The following MYT1L variants were observed in gnomAD, a reference collection of about 807,000 sequenced individuals.
The protein encoded by MYT1L is myelin transcription factor 1-like protein.
A neutral mutation model predicts 126.7 loss-of-function variants in MYT1L; 12 were observed. The ratio of observed to expected loss-of-function variants is 0.09; its 90% CI spans 0.06 to 0.15. The LOEUF is 0.15. MYT1L is among the 10% of genes least tolerant of loss of function. MYT1L has a pLI of 1.00. For synonymous variants in MYT1L, 541 were observed against 604.2 expected (o/e 0.90, Z 1.53); for missense variants, 979 against 1,585.2 (o/e 0.62, Z 6.49).
At chr2:2,039,219 A>C (rs1410805230) in intron 4 of MYT1L, among the ~76,000 whole-genome samples, 1 of 152,060 alleles carries the variant, frequency 6.6e-6, no homozygotes, top group South Asian at 2.1e-4. Context: ...TGACCCTCAC[A>C]ATCTCACAAT....
chr2:2,314,850 T>C (rs1425246200), intron 1 of MYT1L, among the ~76,000 whole-genome samples: 2 of 151,986 alleles, frequency 1.3e-5, no homozygotes, highest in Non-Finnish European at 1.5e-5. Context: ...TGGAACAAAA[T>C]AGAGATCTCA....
At chr2:1,954,821 T>C (rs1216705007) in intron 8 of MYT1L, among the ~76,000 whole-genome samples, 1 of 151,898 alleles carries the variant, frequency 6.6e-6, no homozygotes, top group African/African-American at 2.4e-5. Context: ...TCCCAGCACT[T>C]TGGGAGGCCG....
chr2:2,189,801 C>G (rs2092460204), intron 2 of MYT1L, among the ~76,000 whole-genome samples: 1 of 150,986 alleles, frequency 6.6e-6, no homozygotes. Flanking sequence ...AGCTCGTTCT[C>G]AGGACCGCAC....
intron 3 of MYT1L, among the ~76,000 whole-genome samples, chr2:2,073,751 G>A (rs569935128): frequency 3.3e-5 from 5 of 152,244 alleles, no homozygotes; most frequent in Admixed American, 1.3e-4. Context: ...TCATGTCCAC[G>A]TTTGACTTCC....
chr2:1,856,049 G>A (rs770486824), intron 18 of MYT1L, among the ~76,000 whole-genome samples: 13 of 152,254 alleles, frequency 8.5e-5, no homozygotes, highest in East Asian at 5.8e-4. Flanking sequence ...TACAGCCAAC[G>A]TGCAGAATTC....
At chr2:2,008,303 G>A (rs1253013653) in intron 4 of MYT1L, among the ~76,000 whole-genome samples, 2 of 152,170 alleles carry the variant, frequency 1.3e-5, no homozygotes, top group Admixed American at 6.5e-5. Flanking sequence ...CATCTGCCAC[G>A]GGCGTGGCCA....
intron 2 of MYT1L, among the ~76,000 whole-genome samples, chr2:2,276,492 G>C (rs1162895807): frequency 1.3e-5 from 2 of 152,172 alleles, no homozygotes; most frequent in Non-Finnish European, 2.9e-5. Flanking sequence ...GGAATCCAAG[G>C]CTGGGGAACG....
At chr2:1,896,112 G>T (rs1305208123) in intron 14 of MYT1L, among the ~76,000 whole-genome samples, 2 of 152,138 alleles carry the variant, frequency 1.3e-5, no homozygotes, top group East Asian at 3.8e-4. Context: ...AATCACCAGA[G>T]AACTGCAAAT....
In MYT1L at chr2:2,074,617, G is replaced by A. The variant is rs535331832; in HGVS notation, c.-303-20494C>T. Among the ~76,000 whole-genome samples, 11 of 152,224 alleles carry A rather than the reference G, an allele frequency of 7.2e-5. No homozygotes were observed. The East Asian group carries it at 7.7e-4, about 11-fold the overall frequency. On this transcript the variant is annotated intron_variant, in intron 3 of 24. Coordinates refer to ENST00000647738, the MANE Select transcript of MYT1L (RefSeq NM_001303052.2). ...ATGGTTAAAAGCAAAAATGAAATACGGTGTCAATACAGTAAGAAAGAGCAC... is the reference window on the plus strand; with the variant it reads ...ATGGTTAAAAGCAAAAATGAAATACAGTGTCAATACAGTAAGAAAGAGCAC...
At chr2:1,942,855 T>C (rs2056803213) in intron 9 of MYT1L, 127 bp downstream of exon 9, 1 of 1,259,116 alleles carries the variant, frequency 7.9e-7, no homozygotes, top group Non-Finnish European at 1.1e-6. Flanking sequence ...AGAGGTTAAT[T>C]TTCTCAGTAT....
chr2:1,960,221 G>A (rs185434449), intron 8 of MYT1L, among the ~76,000 whole-genome samples: 1 of 152,286 alleles, frequency 6.6e-6, no homozygotes, highest in Non-Finnish European at 1.5e-5. Context: ...TGGCCTCTGA[G>A]GAAAAGTGAT....
At chr2:2,123,838 C>T (rs1297612185) in intron 3 of MYT1L, among the ~76,000 whole-genome samples, 1 of 152,140 alleles carries the variant, frequency 6.6e-6, no homozygotes, top group Admixed American at 6.5e-5. Flanking sequence ...AAGAGGAAGG[C>T]AAGAGGGTCA....
chr2:2,089,225 A>G (rs2076660034), intron 3 of MYT1L, among the ~76,000 whole-genome samples: 1 of 152,358 alleles, frequency 6.6e-6, no homozygotes, highest in African/African-American at 2.4e-5. Context: ...TATTTGCTCT[A>G]TTGTTAAGGC....
At chr2:2,108,989 C>T (rs1402419844) in intron 3 of MYT1L, among the ~76,000 whole-genome samples, 3 of 152,156 alleles carry the variant, frequency 2.0e-5, no homozygotes, top group Non-Finnish European at 2.9e-5. Context: ...AGCAGCCTGG[C>T]CACTCCCTGT....
At chr2:2,309,446 C>T (rs1036030594) in intron 1 of MYT1L, among the ~76,000 whole-genome samples, 1 of 151,734 alleles carries the variant, frequency 6.6e-6, no homozygotes, top group African/African-American at 2.4e-5. Flanking sequence ...CTTTGGTATA[C>T]TCTACATAGA....
intron 10 of MYT1L, among the ~76,000 whole-genome samples, chr2:1,920,389 G>A (rs35444636): frequency 0.028 from 4,278 of 152,224 alleles, 88 homozygotes; most frequent in Non-Finnish European, 0.045. Flanking sequence ...AGAAGCCACC[G>A]CAACACAGAA....
At chr2:2,159,726 C>G (rs1253011860) in intron 3 of MYT1L, among the ~76,000 whole-genome samples, 1 of 152,012 alleles carries the variant, frequency 6.6e-6, no homozygotes, top group Non-Finnish European at 1.5e-5. Flanking sequence ...CATTAAAGCC[C>G]TCGCAGCCTT....
chr2:1,890,499 A>G (rs938857399), intron 15 of MYT1L, among the ~76,000 whole-genome samples: 13 of 152,300 alleles, frequency 8.5e-5, no homozygotes, highest in African/African-American at 3.1e-4. Flanking sequence ...CCTGCAATTT[A>G]GTCTACTGGC....
chr2:2,027,088 G>A (rs575286424), intron 4 of MYT1L, among the ~76,000 whole-genome samples: 8 of 152,284 alleles, frequency 5.3e-5, no homozygotes, highest in African/African-American at 7.2e-5. Context: ...GAGATGAGCC[G>A]TGCACAGCTG....
Sources: allele counts gnomAD v4.1 joint callset (sites outside exome capture counted in the v4.1 genomes callset), GRCh38; gene constraint gnomAD v4.1.1; transcripts MANE v1.5; gene names NCBI Gene and HGNC (gene_info 2026-07-23, HGNC 2026-07-21).